Variants in DRG1 observed in about 807,000 individuals in gnomAD.
DRG1 encodes developmentally regulated GTP binding protein 1.
Under a neutral mutation model 38.8 loss-of-function variants are expected in DRG1, and 19 were observed. That is an observed-to-expected ratio of 0.49 (90% CI 0.34 to 0.72). The LOEUF (loss-of-function observed/expected upper bound fraction) is 0.72. DRG1 is among the 30% of genes least tolerant of loss of function. The pLI, the probability that DRG1 is intolerant of heterozygous loss-of-function variation, is 0.01. For missense variants in DRG1, 299 were observed against 444.8 expected (o/e 0.67, Z 2.95); for synonymous variants, 167 against 157.5 (o/e 1.06, Z -0.45).
In DRG1 at chr22:31,427,072, C is replaced by T; in HGVS notation, c.894C>T (p.Pro298=). Residue 298 remains proline (P), a synonymous_variant, in exon 8 of 9, where the codon CCC becomes CCT. Coordinates refer to ENST00000331457, the MANE Select transcript of DRG1 (RefSeq NM_004147.4). ...YLKLVRIYTK[P]KGQLPDYTSP... is the part of the protein sequence containing the mutation. ...CTCTCTATTCTAGTTACACCAAACC[C>T]AAAGGCCAGTTACCAGATTACACAT... The T allele has an allele frequency of 6.2e-7, 1 of 1,613,926 alleles. No individual in the cohort carries two copies. Among genetic ancestry groups the T allele is most frequent in the East Asian group, 2.2e-5 (1 of 44,880 alleles).
intron 4 of DRG1, among the ~76,000 whole-genome samples, chr22:31,415,418 G>A (rs187975998): frequency 1.3e-5 from 2 of 152,146 alleles, no homozygotes; most frequent in South Asian, 2.1e-4. Flanking sequence ...ATCTTCTCCC[G>A]TTAATTTTGT....
intron 6 of DRG1, 155 bp from the exon 7 acceptor site, chr22:31,426,459 CT>C: frequency 1.6e-6 from 1 of 621,694 alleles, no homozygotes; most frequent in East Asian, 2.9e-5. Flanking sequence ...CCATAGTTCA[CT>C]TTTTCTTTTT....
At chr22:31,426,831 G>C (rs756411825) in intron 7 of DRG1, 49 bp downstream of exon 7, 4 of 1,573,914 alleles carry the variant, frequency 2.5e-6, no homozygotes, top group Admixed American at 2.0e-5. Flanking sequence ...TAACCAGACT[G>C]TCCTAAAATG....
At chr22:31,425,187 C>T (rs1209768982) in intron 6 of DRG1, among the ~76,000 whole-genome samples, 1 of 151,962 alleles carries the variant, frequency 6.6e-6, no homozygotes, top group African/African-American at 2.4e-5. Flanking sequence ...GTCATATTCC[C>T]CATTTCAGTT....
chr22:31,432,855 G>A (rs552117399), intron 8 of DRG1, among the ~76,000 whole-genome samples: 6 of 152,012 alleles, frequency 3.9e-5, no homozygotes, highest in African/African-American at 1.2e-4. Context: ...CACCGTGCCC[G>A]GCCTGGAATA....
chr22:31,401,432 A>T (rs1417224237), intron 2 of DRG1, among the ~76,000 whole-genome samples: 1 of 151,468 alleles, frequency 6.6e-6, no homozygotes, highest in Non-Finnish European at 1.5e-5. Flanking sequence ...TACAAAAATT[A>T]GCTGGGCATG....
At position 31,403,197 on chromosome 22, in the gene DRG1, A is replaced by G. The variant is rs1395453268; in HGVS notation, c.335A>G (p.Lys112Arg). 6.2e-7 allele frequency: 1 copy of G among 1,608,964 alleles called. No homozygotes were observed. Among genetic ancestry groups the G allele is most frequent in the African/African-American group, 1.3e-5 (1 of 74,746 alleles). ...GGTGTCATCAGATACAAAGGTGCCA[A>G]GATCCAGGTGAGTCAAGCCTGCAGA... is the stretch of plus-strand genomic sequence containing the variant. ...VPGVIRYKGA[K>R]IQLLDLPGII... The change falls in exon 3 of 9, where the codon AAG becomes AGG. Residue 112 changes from lysine (K) to arginine (R), a missense_variant. Transcript: ENST00000331457.
At chr22:31,416,551 T>C (rs540377548) in intron 4 of DRG1, among the ~76,000 whole-genome samples, 9 of 151,970 alleles carry the variant, frequency 5.9e-5, no homozygotes, top group African/African-American at 2.2e-4. Flanking sequence ...GGTCAGGAGT[T>C]CAAGACCAGC....
chr22:31,413,829 G>T (rs190154918), intron 4 of DRG1, among the ~76,000 whole-genome samples: 2 of 152,118 alleles, frequency 1.3e-5, no homozygotes, highest in African/African-American at 4.8e-5. Context: ...GTCCAGGCTG[G>T]TCTTGAACTC....
chr22:31,405,501 C>G (rs771100424), intron 3 of DRG1, among the ~76,000 whole-genome samples: 1 of 151,806 alleles, frequency 6.6e-6, no homozygotes, highest in Non-Finnish European at 1.5e-5. Context: ...GTTCAGCTGC[C>G]ACAGTTAGAA....
In DRG1 at chr22:31,405,280, A is replaced by G. The variant is rs528711247; in HGVS notation, c.342+2076A>G. ...CCTCCAGGATTTAAGTGATTCTTCT[A>G]CCGCAGCCTCTCAAGTAGCTGGGAC... On this transcript the variant is annotated intron_variant, in intron 3 of 8. Coordinates refer to ENST00000331457, the MANE Select transcript of DRG1 (RefSeq NM_004147.4). 2.9e-4 allele frequency among the ~76,000 whole-genome samples: 44 copies of G among 150,664 alleles called. 1 individual carries two copies. In the South Asian group the frequency reaches 7.9e-3, roughly 27 times the overall value.
In DRG1 at chr22:31,427,280, A is replaced by G; in HGVS notation, c.1004+98A>G. ...ATAGCATTTTAAAAAAGAAGGCAGG[A>G]AGGAGGCTACTGAAATGTTTGCTTG... On this transcript the variant is annotated intron_variant, in intron 8 of 8. Coordinates refer to ENST00000331457, the MANE Select transcript of DRG1 (RefSeq NM_004147.4). 3 of 1,440,854 alleles carry G rather than the reference A, an allele frequency of 2.1e-6. No homozygotes were observed. In the South Asian group the frequency reaches 4.1e-5, roughly 20 times the overall value. The allele number at this position is 1,440,854 out of a possible 1,614,324, so 89.3% of individuals were successfully genotyped here. A position where few individuals can be genotyped will look rare whatever the true frequency, so the allele number is the denominator to read the frequency against.
chr22:31,401,730 T>A (rs989575209), intron 2 of DRG1, among the ~76,000 whole-genome samples: 2 of 151,998 alleles, frequency 1.3e-5, no homozygotes, highest in East Asian at 3.9e-4. Flanking sequence ...CACTCCATCC[T>A]GGGTGATAGA....
intron 3 of DRG1, among the ~76,000 whole-genome samples, chr22:31,405,708 A>G (rs980996470): frequency 6.6e-6 from 1 of 150,902 alleles, no homozygotes; most frequent in African/African-American, 2.4e-5. Context: ...TTTTTATTTG[A>G]GACGGAGTCT....
chr22:31,406,662 G>A (rs2145859623), intron 3 of DRG1, among the ~76,000 whole-genome samples: 1 of 150,492 alleles, frequency 6.6e-6, no homozygotes, highest in Middle Eastern at 3.4e-3. Context: ...GCGACAGAAT[G>A]AGACCCTGTC....
intron 6 of DRG1, among the ~76,000 whole-genome samples, chr22:31,424,218 A>G (rs139121555): frequency 0.018 from 2,644 of 151,040 alleles, 29 homozygotes; most frequent in Middle Eastern, 0.028. Context: ...GTGTGATCTC[A>G]GCTCACTGTA....
intron 8 of DRG1, among the ~76,000 whole-genome samples, chr22:31,429,256 C>G (rs1387430015): frequency 6.6e-6 from 1 of 151,848 alleles, no homozygotes; most frequent in African/African-American, 2.4e-5. Flanking sequence ...GTAGCTGGTA[C>G]TACAGGCGTG....
chr22:31,431,487 A>C (rs1424312735), intron 8 of DRG1, among the ~76,000 whole-genome samples: 1 of 152,150 alleles, frequency 6.6e-6, no homozygotes, highest in African/African-American at 2.4e-5. Context: ...CAATATAGTG[A>C]GACCCCGTTT....
Position 31,425,480 on chromosome 22 carries a change from G to A in DRG1, c.714-1135G>A, listed in dbSNP as rs907881381. Among the ~76,000 whole-genome samples the A allele has an allele frequency of 4.1e-5, 6 of 144,698 alleles. No homozygotes were observed. In the South Asian group the frequency reaches 8.6e-4, roughly 21 times the overall value. 94.9% of individuals were successfully genotyped at this position (144,698 alleles called of 152,430 possible). A position where few individuals can be genotyped will look rare whatever the true frequency, so the allele number is the denominator to read the frequency against. Reference sequence around the variant, plus strand: ...TTTGAGACAGAGTCATGCTCTTGTCGCCCAGGCTGTAGTGCAGTGGTGTGA... The same window carrying A: ...TTTGAGACAGAGTCATGCTCTTGTCACCCAGGCTGTAGTGCAGTGGTGTGA... On this transcript the variant is annotated intron_variant, in intron 6 of 8. Transcript: ENST00000331457.
Sources: allele counts gnomAD v4.1 joint callset (sites outside exome capture counted in the v4.1 genomes callset), GRCh38; gene constraint gnomAD v4.1.1; transcripts MANE v1.5; gene names NCBI Gene and HGNC (gene_info 2026-07-23, HGNC 2026-07-21).